The following MBD5 variants were observed in gnomAD, a reference collection of about 807,000 sequenced individuals.
MBD5 encodes methyl-CpG-binding domain protein 5.
In MBD5, 13 loss-of-function variants were observed where a neutral mutation model predicts 117.3. The ratio of observed to expected loss-of-function variants is 0.11; its 90% CI spans 0.07 to 0.18. The LOEUF (loss-of-function observed/expected upper bound fraction) is 0.18. MBD5 is among the 10% of genes least tolerant of loss of function. MBD5 has a pLI of 1.00. For synonymous variants in MBD5, 727 were observed against 766.4 expected (o/e 0.95, Z 0.85); for missense variants, 1,879 against 2,093.8 (o/e 0.90, Z 2.00).
At chr2:148,399,549 T>C (rs1704848119) in intron 4 of MBD5, among the ~76,000 whole-genome samples, 1 of 152,192 alleles carries the variant, frequency 6.6e-6, no homozygotes, top group South Asian at 2.1e-4. Context: ...TAAGGAGATT[T>C]TGGGCTGAGA....
Position 148,470,151 on chromosome 2 carries a change from G to T in MBD5, c.2208G>T (p.Gln736His), listed in dbSNP as rs1295317730. ...CTGCTTTGCCTTGCTCTGCTAACCA[G>T]CTGCATTTTACAGATCCCAGTATGA... ...SNTALPCSANQLHFTDPSMNS... is the reference protein window; with the variant it reads ...SNTALPCSANHLHFTDPSMNS... Residue 736 changes from glutamine (Q) to histidine (H), a missense_variant, in exon 8 of 14, where the codon CAG becomes CAT. By Grantham distance (24) the Gln-to-His change is conservative. This residue lies in a region of MBD5 where 1,666 missense variants were observed against 1,792.2 expected (regional missense o/e 0.93). Transcript: ENST00000642680. 6.2e-7 allele frequency: 1 copy of T among 1,613,892 alleles called. No homozygotes were observed. The highest frequency in any genetic ancestry group is 1.1e-5 in the South Asian group (1 of 91,082).
intron 4 of MBD5, among the ~76,000 whole-genome samples, chr2:148,401,620 G>T (rs1435737064): frequency 6.6e-6 from 1 of 152,232 alleles, no homozygotes; most frequent in Non-Finnish European, 1.5e-5. Context: ...AGTTCAGGAA[G>T]AGTTGCAAAA....
intron 2 of MBD5, among the ~76,000 whole-genome samples, chr2:148,187,182 G>A (rs1698682683): frequency 6.6e-6 from 1 of 152,180 alleles, no homozygotes. Context: ...GATCACATGT[G>A]TGGATAGCCA....
chr2:148,395,892 C>T (rs1282578953), intron 4 of MBD5, among the ~76,000 whole-genome samples: 2 of 152,160 alleles, frequency 1.3e-5, no homozygotes, highest in African/African-American at 2.4e-5. Context: ...CAGGCTCCGG[C>T]AATCTCTAAT....
At chr2:148,236,058 C>A (rs1401828367) in intron 3 of MBD5, among the ~76,000 whole-genome samples, 1 of 152,118 alleles carries the variant, frequency 6.6e-6, no homozygotes, top group Non-Finnish European at 1.5e-5. Flanking sequence ...CTCAGCCTCC[C>A]AAAGTGCTGG....
intron 1 of MBD5, among the ~76,000 whole-genome samples, chr2:148,111,239 ATAAAG>A (rs1696497647): frequency 6.6e-6 from 1 of 152,212 alleles, no homozygotes; most frequent in Admixed American, 6.5e-5. Flanking sequence ...CACAGCACCA[ATAAAG>A]CACAGCCTGA....
Position 148,468,385 on chromosome 2 carries a change from G to A in MBD5, c.442G>A (p.Val148Ile). 1 of 1,613,674 alleles carries A rather than the reference G, an allele frequency of 6.2e-7. No homozygotes were observed. The highest frequency in any genetic ancestry group is 8.5e-7 in the Non-Finnish European group (1 of 1,179,788). The change falls in exon 8 of 14, where the codon GTA (valine) becomes ATA (isoleucine). Residue 148 changes from valine (V) to isoleucine (I), a missense_variant. Transcript: ENST00000642680. ...TTCTCGGGCAGCAACTCCAAGATCA[G>A]TAAGAAATAAGTCTCATGAAGGAAT... ...VPSRAATPRSVRNKSHEGITN... is the reference protein window; with the variant it reads ...VPSRAATPRSIRNKSHEGITN...
At chr2:148,304,606 TG>T (rs1045803245) in intron 3 of MBD5, among the ~76,000 whole-genome samples, 1 of 152,130 alleles carries the variant, frequency 6.6e-6, no homozygotes, top group Non-Finnish European at 1.5e-5. Flanking sequence ...ACTACTGCAT[TG>T]GGGACTGCAG....
chr2:148,443,995 T>C (rs1029513101), intron 4 of MBD5, among the ~76,000 whole-genome samples: 2 of 151,350 alleles, frequency 1.3e-5, no homozygotes, highest in Admixed American at 1.3e-4. Flanking sequence ...TATGAAAATA[T>C]CTCATGTAAC....
At chr2:148,407,644 A>G (rs775434432) in intron 4 of MBD5, among the ~76,000 whole-genome samples, 2 of 152,102 alleles carry the variant, frequency 1.3e-5, no homozygotes, top group Non-Finnish European at 2.9e-5. Context: ...AGGTGTTCAT[A>G]CCTGAAACAC....
At chr2:148,215,544 GT>G (rs528055774) in intron 2 of MBD5, among the ~76,000 whole-genome samples, 2 of 151,376 alleles carry the variant, frequency 1.3e-5, no homozygotes, top group South Asian at 2.1e-4. Flanking sequence ...TGTGGGCGGG[GT>G]TTTTTTTCGA....
chr2:148,251,993 C>A (rs1341610652), intron 3 of MBD5, among the ~76,000 whole-genome samples: 1 of 152,138 alleles, frequency 6.6e-6, no homozygotes, highest in African/African-American at 2.4e-5. Flanking sequence ...TTTGTTTTCC[C>A]GCACCTCACT....
intron 2 of MBD5, among the ~76,000 whole-genome samples, chr2:148,216,275 G>T (rs753583478): frequency 6.6e-6 from 1 of 151,904 alleles, no homozygotes; most frequent in Non-Finnish European, 1.5e-5. Flanking sequence ...CAACTGGTCA[G>T]CCAGAGCCAG....
chr2:148,444,816 C>T (rs1225870643), intron 4 of MBD5, among the ~76,000 whole-genome samples: 3 of 150,984 alleles, frequency 2.0e-5, no homozygotes, highest in African/African-American at 2.5e-5. Flanking sequence ...CACCCCTCTG[C>T]TCCCCAGACA....
At chr2:148,275,598 C>T (rs1273236292) in intron 3 of MBD5, among the ~76,000 whole-genome samples, 1 of 152,172 alleles carries the variant, frequency 6.6e-6, no homozygotes, top group African/African-American at 2.4e-5. Context: ...GGATGAGGCT[C>T]ATCTACTTTA....
chr2:148,225,854 G>A (rs181556702), intron 2 of MBD5, among the ~76,000 whole-genome samples: 46 of 152,182 alleles, frequency 3.0e-4, no homozygotes, highest in African/African-American at 9.1e-4. Context: ...ATGCTATTTC[G>A]TTTTTCTTGC....
Position 148,510,091 on chromosome 2 carries a change from G to A in MBD5, c.5068G>A (p.Ala1690Thr), listed in dbSNP as rs1402798697. Residue 1690 changes from alanine (A) to threonine (T), a missense_variant, in exon 13 of 14, where the codon GCT becomes ACT. Physicochemically the swap from Ala to Thr is moderately conservative, Grantham distance 58 (BLOSUM62 0). This residue lies in a region of MBD5 where 135 missense variants were observed against 148.0 expected (regional missense o/e 0.91). Coordinates refer to ENST00000642680, the MANE Select transcript of MBD5 (RefSeq NM_001378120.1). ...SGKLNNHLEA[A>T]IHEAMSELDK... ...AAAGCTAAATAACCATTTAGAAGCTGCTATTCATGAGGCCATGAGTGAACT... is the reference window on the plus strand; with the variant it reads ...AAAGCTAAATAACCATTTAGAAGCTACTATTCATGAGGCCATGAGTGAACT... 1 of 1,613,016 alleles carries A rather than the reference G, an allele frequency of 6.2e-7. No individual in the cohort carries two copies. Among genetic ancestry groups the A allele is most frequent in the African/African-American group, 1.3e-5 (1 of 75,012 alleles).
intron 4 of MBD5, among the ~76,000 whole-genome samples, chr2:148,424,475 C>T (rs192581019): frequency 1.3e-5 from 2 of 151,994 alleles, no homozygotes; most frequent in South Asian, 2.1e-4. Flanking sequence ...GACAGACCAA[C>T]GAGACAGAAA....
chr2:148,385,042 C>T (rs1202128907), intron 4 of MBD5, among the ~76,000 whole-genome samples: 1 of 152,178 alleles, frequency 6.6e-6, no homozygotes, highest in Admixed American at 6.5e-5. Flanking sequence ...CCATTCAGGA[C>T]ATAGACATGG....
Sources: allele counts gnomAD v4.1 joint callset (sites outside exome capture counted in the v4.1 genomes callset), GRCh38; gene constraint gnomAD v4.1.1; regional missense constraint gnomAD v4.1.1; transcripts MANE v1.5; gene names NCBI Gene and HGNC (gene_info 2026-07-23, HGNC 2026-07-21).